The following RORA variants were observed in gnomAD, a reference collection of about 807,000 sequenced individuals.
The protein encoded by RORA is RAR related orphan receptor A.
A neutral mutation model predicts 69.5 loss-of-function variants in RORA; 7 were observed. The observed-to-expected ratio is 0.10, with a 90% CI of 0.06 to 0.19. RORA has a LOEUF of 0.19. Among genes scored for constraint, RORA ranks in the 10% least tolerant of loss-of-function variants. The pLI, the probability that RORA is intolerant of heterozygous loss-of-function variation, is 1.00. For missense variants in RORA, 457 were observed against 663.0 expected (o/e 0.69, Z 3.41); for synonymous variants, 261 against 240.8 (o/e 1.08, Z -0.78).
intron 1 of RORA, among the ~76,000 whole-genome samples, chr15:60,697,886 C>A: frequency 1.3e-5 from 2 of 152,260 alleles, no homozygotes; most frequent in South Asian, 4.2e-4. Context: ...CAGAGTTATA[C>A]CTCTCAGTCA....
chr15:60,544,450 C>A (rs1398931297), intron 2 of RORA, among the ~76,000 whole-genome samples: 2 of 152,108 alleles, frequency 1.3e-5, no homozygotes, highest in African/African-American at 4.8e-5. Flanking sequence ...TTTTTATACA[C>A]CGAACCCCTC....
chr15:60,873,249 CTGTGTGTGTGTGTCTG>C (rs997071713), intron 1 of RORA, among the ~76,000 whole-genome samples: 11 of 1,846 alleles, frequency 6.0e-3, no homozygotes, highest in Admixed American at 0.039. Context: ...GTGTGTGTGT[CTGTGTGTGTGTGTCTG>C]TGTGTGTGTG....
intron 1 of RORA, among the ~76,000 whole-genome samples, chr15:61,044,054 G>A (rs1896911491): frequency 6.6e-6 from 1 of 151,826 alleles, no homozygotes; most frequent in Non-Finnish European, 1.5e-5. Context: ...TAACTCACCT[G>A]TAGGGTTTAA....
At chr15:60,739,609 A>G (rs1382240870) in intron 1 of RORA, among the ~76,000 whole-genome samples, 1 of 151,768 alleles carries the variant, frequency 6.6e-6, no homozygotes, top group African/African-American at 2.4e-5. Context: ...ATACTTCACC[A>G]CACTTCCAGG....
intron 1 of RORA, among the ~76,000 whole-genome samples, chr15:60,767,148 G>C (rs1232894862): frequency 6.6e-6 from 1 of 152,168 alleles, no homozygotes; most frequent in Non-Finnish European, 1.5e-5. Context: ...TGATTAAATA[G>C]GGCTTCCTGC....
At chr15:61,089,969 A>G (rs891427819) in intron 1 of RORA, among the ~76,000 whole-genome samples, 1 of 152,234 alleles carries the variant, frequency 6.6e-6, no homozygotes, top group African/African-American at 2.4e-5. Flanking sequence ...ACCTTTAACT[A>G]TAAGACCTGG....
chr15:61,154,587 A>G (rs1241739479), intron 1 of RORA, among the ~76,000 whole-genome samples: 1 of 152,186 alleles, frequency 6.6e-6, no homozygotes, highest in East Asian at 1.9e-4. Context: ...ATTTGTTGCT[A>G]AGAGTAGTAC....
rs530480902 is a variant in RORA, at chr15:61,179,598, A to G, written c.166+49455T>C. ...AACAAAAAGCTCTTTAAGATCCTCA[A>G]TAATCTTTAAGAGTATAAAGGGGTC... On this transcript the variant is annotated intron_variant, in intron 1 of 10. Coordinates refer to ENST00000335670, the MANE Select transcript of RORA (RefSeq NM_134261.3). Among the ~76,000 whole-genome samples, 11 of 152,358 alleles carry G rather than the reference A, an allele frequency of 7.2e-5. No individual in the cohort carries two copies. The East Asian group carries it at 9.6e-4, about 13-fold the overall frequency.
chr15:60,952,188 A>G (rs573739748), intron 1 of RORA, among the ~76,000 whole-genome samples: 1,577 of 151,744 alleles, frequency 0.01, 38 homozygotes, highest in African/African-American at 0.037. Flanking sequence ...AAAGACAAAA[A>G]CCACATGATT....
chr15:61,189,716 G>A lies in RORA; in HGVS notation c.166+39337C>T, dbSNP rs1439951498. 1.3e-5 allele frequency among the ~76,000 whole-genome samples: 2 copies of A among 151,902 alleles called. 1 individual carries two copies. Among genetic ancestry groups the A allele is most frequent in the Admixed American group, 1.3e-4 (2 of 15,268 alleles). On this transcript the variant is annotated intron_variant, in intron 1 of 10. Transcript: ENST00000335670. ...ACTAAAAATACAAAAAATTAGCCAG[G>A]AATGGTGGCGGGCACCTGTTGTCCC...
chr15:60,876,679 GA>G (rs778713090), intron 1 of RORA, among the ~76,000 whole-genome samples: 10 of 151,980 alleles, frequency 6.6e-5, no homozygotes, highest in Admixed American at 6.6e-4. Context: ...AATTTTCAAA[GA>G]GAAACTTCAT....
At chr15:60,731,747 A>G (rs972411012) in intron 1 of RORA, among the ~76,000 whole-genome samples, 10 of 152,176 alleles carry the variant, frequency 6.6e-5, no homozygotes, top group African/African-American at 9.7e-5. Flanking sequence ...CTACCAGTTG[A>G]CTGCTGTTAG....
At chr15:61,204,642 G>A (rs1375785085) in intron 1 of RORA, among the ~76,000 whole-genome samples, 1 of 152,206 alleles carries the variant, frequency 6.6e-6, no homozygotes, top group Non-Finnish European at 1.5e-5. Flanking sequence ...TGAGATATGA[G>A]ATTTGCATTT....
intron 1 of RORA, among the ~76,000 whole-genome samples, chr15:61,129,321 G>A (rs1283918849): frequency 6.6e-6 from 1 of 152,198 alleles, no homozygotes; most frequent in African/African-American, 2.4e-5. Context: ...TGAAAACATT[G>A]TGTTAAGTGA....
rs1186329957 is a variant in RORA at position 60,954,344 on chromosome 15, A to G, written c.166+274709T>C. On this transcript the variant is annotated intron_variant, in intron 1 of 10. Transcript: ENST00000335670. ...CATTGGGAGATATACCTAATGCTAG[A>G]TGACGAGTTAGTGGGTGCAGCGCAC... Among the ~76,000 whole-genome samples, 3 of 148,800 alleles carry G rather than the reference A, an allele frequency of 2.0e-5. No individual in the cohort carries two copies. The East Asian group carries it at 6.0e-4, about 30-fold the overall frequency.
chr15:60,717,973 A>G (rs1228217279), intron 1 of RORA, among the ~76,000 whole-genome samples: 1 of 151,518 alleles, frequency 6.6e-6, no homozygotes, highest in African/African-American at 2.4e-5. Context: ...TAATTTTTGT[A>G]TTTTTAGTAG....
intron 1 of RORA, among the ~76,000 whole-genome samples, chr15:60,952,241 C>T (rs1438721055): frequency 7.2e-5 from 11 of 152,112 alleles, no homozygotes; most frequent in South Asian, 4.2e-4. Context: ...AATTCAACAA[C>T]GCTTCAGGCT....
In RORA at chr15:60,978,479, C is replaced by T. The variant is rs77184827; in HGVS notation, c.166+250574G>A. ...ATCCTATTCTATGGGTTGCTTTTCA[C>T]TTTCTTGGTAGTGTCCATTGATTCA... On this transcript the variant is annotated intron_variant, in intron 1 of 10. Coordinates refer to ENST00000335670, the MANE Select transcript of RORA (RefSeq NM_134261.3). 2.2e-3 allele frequency among the ~76,000 whole-genome samples: 335 copies of T among 152,232 alleles called. 1 individual carries two copies. The highest frequency in any genetic ancestry group is 7.7e-3 in the African/African-American group (320 of 41,564).
intron 2 of RORA, among the ~76,000 whole-genome samples, chr15:60,628,815 G>T (rs2069658456): frequency 6.6e-6 from 1 of 152,170 alleles, no homozygotes; most frequent in African/African-American, 2.4e-5. Context: ...CAAATGTCAA[G>T]TAAGGAGAAC....
Sources: gnomAD v4.1 joint callset for allele counts (sites outside exome capture counted in the v4.1 genomes callset) on GRCh38, gnomAD v4.1.1 for gene constraint, MANE v1.5 for transcripts, NCBI Gene and HGNC (gene_info 2026-07-23, HGNC 2026-07-21) for gene names.